Variants in MTOR observed in about 807,000 individuals in gnomAD.
MTOR encodes the protein serine/threonine-protein kinase mTOR.
A neutral mutation model predicts 319.8 loss-of-function variants in MTOR; 70 were observed. That is an observed-to-expected ratio of 0.22 (90% CI 0.18 to 0.27). The LOEUF (loss-of-function observed/expected upper bound fraction) is 0.27. MTOR is among the 10% of genes least tolerant of loss of function. The pLI is 1.00. For missense variants in MTOR, 1,890 were observed against 3,274.4 expected, an observed-to-expected ratio of 0.58 and a Z score of 10.32; for synonymous variants, 1,183 against 1,211.4, an observed-to-expected ratio of 0.98 and a Z score of 0.49.
At chr1:11,261,426 C>T (rs1456986349) in intron 1 of MTOR, among the ~76,000 whole-genome samples, 2 of 151,742 alleles carry the variant, frequency 1.3e-5, no homozygotes, top group African/African-American at 4.8e-5. Flanking sequence ...GAGCAGAGAT[C>T]GAGCCACTGC....
At chr1:11,235,298 C>T (rs1013772984) in intron 13 of MTOR, among the ~76,000 whole-genome samples, 1 of 152,132 alleles carries the variant, frequency 6.6e-6, no homozygotes, top group Non-Finnish European at 1.5e-5. Context: ...ATAACCAATG[C>T]CCACCCTGAT....
chr1:11,120,784 T>C (rs1391549300), intron 49 of MTOR, among the ~76,000 whole-genome samples: 1 of 152,216 alleles, frequency 6.6e-6, no homozygotes, highest in Non-Finnish European at 1.5e-5. Flanking sequence ...ACAGTCATTC[T>C]ACTATATTTT....
chr1:11,142,205 C>T (rs1347004068), intron 34 of MTOR, among the ~76,000 whole-genome samples: 3 of 151,788 alleles, frequency 2.0e-5, no homozygotes, highest in Non-Finnish European at 4.4e-5. Context: ...TTGGCTGTGG[C>T]TTGCAGGGAA....
At chr1:11,141,760 G>A (rs2100491072) in intron 34 of MTOR, among the ~76,000 whole-genome samples, 1 of 149,786 alleles carries the variant, frequency 6.7e-6, no homozygotes, top group East Asian at 2.0e-4. Context: ...GCTGAGGTGG[G>A]GGGATCACAA....
At chr1:11,116,854 T>A in intron 50 of MTOR, 150 bp downstream of exon 50, 1 of 630,726 alleles carries the variant, frequency 1.6e-6, no homozygotes. Flanking sequence ...AATAGGGAAC[T>A]AAGGCTAATG....
At position 11,232,531 on chromosome 1, in the gene MTOR, G is replaced by A. The variant is rs867041520; in HGVS notation, c.2422-3C>T. 1.2e-6 allele frequency: 2 copies of A among 1,610,010 alleles called. No homozygotes were observed. The highest frequency in any genetic ancestry group is 3.3e-4 in the Middle Eastern group (2 of 6,050). On this transcript the variant is annotated splice_polypyrimidine_tract_variant and splice_region_variant and intron_variant, in intron 15 of 57. Transcript: ENST00000361445. ...TTCCTCATTTCCAGGCCACTAACCT[G>A]CAAAATGAAAAAGAGGGTGGCAGAA...
intron 3 of MTOR, among the ~76,000 whole-genome samples, chr1:11,257,380 CAAAAAAAAAAAA>C (rs1006118528): frequency 5.4e-5 from 2 of 36,788 alleles, no homozygotes; most frequent in Non-Finnish European, 1.2e-4. Flanking sequence ...TACTAAGATA[CAAAAAAAAAAAA>C]AAAAAAAAGA....
chr1:11,170,569 TAAA>T (rs1176866711), intron 28 of MTOR, among the ~76,000 whole-genome samples: 1 of 151,280 alleles, frequency 6.6e-6, no homozygotes, highest in East Asian at 1.9e-4. Context: ...AAAATAATAA[TAAA>T]AAAAAAGAAA....
intron 8 of MTOR, among the ~76,000 whole-genome samples, chr1:11,244,124 C>T (rs1455167019): frequency 2.6e-5 from 4 of 151,936 alleles, no homozygotes; most frequent in Non-Finnish European, 5.9e-5. Context: ...GAAACCCCAT[C>T]TCTACTAAAA....
At chr1:11,150,075 C>T (rs1397157469) in intron 31 of MTOR, 51 bp downstream of exon 31, 1 of 1,538,210 alleles carries the variant, frequency 6.5e-7, no homozygotes, top group Non-Finnish European at 9.0e-7. Flanking sequence ...ATGCGAGCCC[C>T]TAGCCTCACT....
At chr1:11,189,851 T>TG in intron 28 of MTOR, 5 of 1,614,202 alleles carry the variant, frequency 3.1e-6, no homozygotes, top group Non-Finnish European at 4.2e-6. Flanking sequence ...AGCAAGCGCA[T>TG]GGAGTCGCGG....
At chr1:11,177,012 G>C (rs1420980405) in intron 28 of MTOR, among the ~76,000 whole-genome samples, 1 of 152,186 alleles carries the variant, frequency 6.6e-6, no homozygotes, top group Non-Finnish European at 1.5e-5. Flanking sequence ...AGAAGGTTGG[G>C]AGGGCTGCCG....
chr1:11,202,365 G>A (rs538148318), intron 26 of MTOR, among the ~76,000 whole-genome samples: 37 of 136,112 alleles, frequency 2.7e-4, no homozygotes, highest in African/African-American at 8.4e-4. Flanking sequence ...AGGTTGCGGT[G>A]AGCCAAGATC....
At chr1:11,192,258 G>C in intron 28 of MTOR, 2 of 1,600,620 alleles carry the variant, frequency 1.2e-6, no homozygotes, top group Non-Finnish European at 1.7e-6. Flanking sequence ...CCTGTGGTTT[G>C]TTCTCTTGTA....
Position 11,128,457 on chromosome 1 carries a change from G to C in MTOR, c.5907C>G (p.Pro1969=). ...QLLTDIGRYH[P]QALIYPLTVA... ...ACTGCCCAGAGTCTCCACATACCTG[G>C]GGGTGGTACCGACCAATGTCTGTGA... is the stretch of plus-strand genomic sequence containing the variant. The change falls in exon 42 of 58, where the codon CCC becomes CCG. Residue 1969 remains proline (P), a synonymous_variant. Coordinates refer to ENST00000361445, the MANE Select transcript of MTOR (RefSeq NM_004958.4). This position sits in a 1 kb window ranked among gnomAD's most constrained non-coding sequence, Gnocchi z 5.3. The C allele has an allele frequency of 6.2e-7, 1 of 1,614,008 alleles. No homozygotes were observed. The highest frequency in any genetic ancestry group is 8.5e-7 in the Non-Finnish European group (1 of 1,179,924).
At chr1:11,196,361 T>C (rs547635070) in intron 28 of MTOR, among the ~76,000 whole-genome samples, 23 of 152,300 alleles carry the variant, frequency 1.5e-4, no homozygotes, top group Non-Finnish European at 2.6e-4. Context: ...AAAGCAAATA[T>C]ATTTACTGAT....
intron 50 of MTOR, 29 bp downstream of exon 50, chr1:11,116,975 G>A: frequency 1.3e-6 from 2 of 1,528,048 alleles, no homozygotes; most frequent in Non-Finnish European, 1.8e-6. Flanking sequence ...GGAGAAAGAA[G>A]ACTAAAAAAA....
At chr1:11,162,823 C>T (rs1644519454) in intron 29 of MTOR, among the ~76,000 whole-genome samples, 1 of 152,296 alleles carries the variant, frequency 6.6e-6, no homozygotes, top group African/African-American at 2.4e-5. Context: ...CCAGCCACTC[C>T]AAAAACATGC....
chr1:11,134,555 C>A, intron 36 of MTOR, 89 bp from the exon 37 acceptor site: 3 of 1,047,410 alleles, frequency 2.9e-6, no homozygotes, highest in Non-Finnish European at 4.4e-6. Context: ...AGGCATGAGT[C>A]AACCCCTCTC....
Sources: gnomAD v4.1 joint callset for allele counts (sites outside exome capture counted in the v4.1 genomes callset) on GRCh38, gnomAD v4.1.1 for gene constraint, Gnocchi (gnomAD v3.1) non-coding constraint, MANE v1.5 for transcripts, NCBI Gene and HGNC (gene_info 2026-07-23, HGNC 2026-07-21) for gene names.